The following A2ML1 variants were observed in gnomAD, a reference collection of about 807,000 sequenced individuals.
A2ML1 encodes the protein alpha-2-macroglobulin-like protein 1.
In A2ML1, 161 loss-of-function variants were observed where a neutral mutation model predicts 181.9. That is an observed-to-expected ratio of 0.89 (90% CI 0.78 to 1.01). The LOEUF is 1.01. A2ML1 is among the 50% of genes least tolerant of loss of function. A2ML1 has a pLI of 0.00. For synonymous variants in A2ML1, 663 were observed against 666.8 expected (o/e 0.99, Z 0.09); for missense variants, 1,670 against 1,768.1 (o/e 0.94, Z 1.00).
At chr12:8,885,956 T>C (rs892733199) in intron 7 of A2ML1, among the ~76,000 whole-genome samples, 1 of 151,906 alleles carries the variant, frequency 6.6e-6, no homozygotes, top group African/African-American at 2.4e-5. Flanking sequence ...GGAGAGTTTA[T>C]TCCTGGATTC....
At chr12:8,850,031 C>A in intron 17 of A2ML1, 129 bp from the exon 18 acceptor site, 1 of 765,450 alleles carries the variant, frequency 1.3e-6, no homozygotes, top group Non-Finnish European at 2.1e-6. Context: ...TTTGGTCCTT[C>A]CTCCTTGCCT....
chr12:8,841,775 C>T (rs1943488383), intron 11 of A2ML1, among the ~76,000 whole-genome samples: 1 of 152,148 alleles, frequency 6.6e-6, no homozygotes, highest in Admixed American at 6.5e-5. Context: ...TTTTAACTTA[C>T]CCCCATCTCT....
Position 8,848,891 on chromosome 12 carries a change from A to G in A2ML1, c.2005A>G (p.Thr669Ala). 1 of 1,612,968 alleles carries G rather than the reference A, an allele frequency of 6.2e-7. No individual in the cohort carries two copies. The highest frequency in any genetic ancestry group is 8.5e-7 in the Non-Finnish European group (1 of 1,179,732). ...CTGGAGGCCCTCGTTCTCTGAAGGC[A>G]CGGACCTTTTCAGCTTTTTCCGGGT... The part of the protein sequence containing the change: ...IIWRPSFSEG[T>A]DLFSFFRDVG... The change falls in exon 16 of 36, where the codon ACG (threonine) becomes GCG (alanine). Residue 669 changes from threonine (T) to alanine (A), a missense_variant. Thr to Ala is a moderately conservative substitution (Grantham distance 58). Coordinates refer to ENST00000299698, the MANE Select transcript of A2ML1 (RefSeq NM_144670.6).
chr12:8,850,089 C>A, intron 17 of A2ML1, 71 bp from the exon 18 acceptor site: 1 of 1,225,992 alleles, frequency 8.2e-7, no homozygotes, highest in Non-Finnish European at 1.2e-6. Context: ...CTAGTAATCC[C>A]TCCATCCCAA....
At chr12:8,864,083 G>T in intron 29 of A2ML1, 75 bp downstream of exon 29, 2 of 1,392,658 alleles carry the variant, frequency 1.4e-6, no homozygotes, top group Admixed American at 1.9e-5. Flanking sequence ...AAAACATATT[G>T]TCCTTGCCTT....
At chr12:8,874,177 G>A (rs942329844) in intron 33 of A2ML1, among the ~76,000 whole-genome samples, 5 of 151,802 alleles carry the variant, frequency 3.3e-5, no homozygotes, top group African/African-American at 7.3e-5. Context: ...CACCATGCCC[G>A]ACTAATTTTT....
chr12:8,867,384 A>G (rs1188685354), intron 29 of A2ML1, among the ~76,000 whole-genome samples: 2 of 152,210 alleles, frequency 1.3e-5, no homozygotes, highest in African/African-American at 2.4e-5. Flanking sequence ...ATGGTGGCTC[A>G]TGCCTGTCAT....
At chr12:8,836,478 G>A in intron 7 of A2ML1, 139 bp downstream of exon 7, 2 of 483,830 alleles carry the variant, frequency 4.1e-6, no homozygotes, top group South Asian at 2.4e-5. Flanking sequence ...GCTTATCCAA[G>A]ACCTTTTTTT....
At chr12:8,879,117 T>TG (rs921180934), downstream of A2ML1, among the ~76,000 whole-genome samples, 3 of 152,126 alleles carry the variant, frequency 2.0e-5, no homozygotes, top group African/African-American at 7.2e-5. Context: ...TGAGGGCAGA[T>TG]GGGGGAAGAT....
chr12:8,878,148 A>G (rs1944832679), downstream of A2ML1, among the ~76,000 whole-genome samples: 1 of 152,048 alleles, frequency 6.6e-6, no homozygotes, highest in South Asian at 2.1e-4. The surrounding 1 kb of genome is among the most constrained non-coding windows in gnomAD (Gnocchi z 4.4). Context: ...CTAAAAATAC[A>G]AAAACCTAGC....
intron 7 of A2ML1, among the ~76,000 whole-genome samples, chr12:8,883,473 TTCTC>T (rs962433758): frequency 3.9e-5 from 6 of 152,038 alleles, no homozygotes; most frequent in African/African-American, 4.8e-5. Flanking sequence ...CTTCTTCTTC[TTCTC>T]TCTCTCTCTT....
intron 20 of A2ML1, among the ~76,000 whole-genome samples, chr12:8,853,158 T>A (rs1299482102): frequency 6.6e-6 from 1 of 151,930 alleles, no homozygotes; most frequent in African/African-American, 2.4e-5. Flanking sequence ...CCACCATGCC[T>A]GGCTAATTCA....
At chr12:8,882,415 A>G (rs1944880559) in intron 7 of A2ML1, among the ~76,000 whole-genome samples, 1 of 152,020 alleles carries the variant, frequency 6.6e-6, no homozygotes, top group South Asian at 2.1e-4. Context: ...TTTTCTTTCT[A>G]AGAATCCTAC....
chr12:8,832,279 G>A (rs1943142800), intron 4 of A2ML1, among the ~76,000 whole-genome samples: 1 of 152,198 alleles, frequency 6.6e-6, no homozygotes, highest in Non-Finnish European at 1.5e-5. Flanking sequence ...CTGATCTTGG[G>A]TTTTACAACA....
intron 4 of A2ML1, among the ~76,000 whole-genome samples, chr12:8,832,538 TAC>T: frequency 6.6e-6 from 1 of 152,334 alleles, no homozygotes; most frequent in South Asian, 2.1e-4. Context: ...AAGGACAGCT[TAC>T]AAGTTAGAAG....
At chr12:8,841,246 TTC>T in intron 10 of A2ML1, 121 bp from the exon 11 acceptor site, 1 of 811,948 alleles carries the variant, frequency 1.2e-6, no homozygotes. Flanking sequence ...TTCTTAGAAA[TTC>T]TGTTATTACT....
At chr12:8,855,136 T>C (rs997829658) in intron 22 of A2ML1, among the ~76,000 whole-genome samples, 1 of 152,008 alleles carries the variant, frequency 6.6e-6, no homozygotes, top group Non-Finnish European at 1.5e-5. Flanking sequence ...CTTGTGATCC[T>C]CCTGCCTTGG....
chr12:8,837,808 A>C (rs1252280062), intron 8 of A2ML1, among the ~76,000 whole-genome samples: 1 of 147,708 alleles, frequency 6.8e-6, no homozygotes, highest in Non-Finnish European at 1.5e-5. Flanking sequence ...TGAACCCGGG[A>C]GGCGGAGGTT....
rs1943796150 is a variant in A2ML1, at chr12:8,848,924, C to T, written c.2028+10C>T. Reference sequence around the variant, plus strand: ...TTTCAGCTTTTTCCGGGTAGGTCTTCTTACCCATTTTGTTCTTATGGGAAA... The same window carrying T: ...TTTCAGCTTTTTCCGGGTAGGTCTTTTTACCCATTTTGTTCTTATGGGAAA... On this transcript the variant is annotated intron_variant, in intron 16 of 35. Coordinates refer to ENST00000299698, the MANE Select transcript of A2ML1 (RefSeq NM_144670.6). 6.2e-7 allele frequency: 1 copy of T among 1,607,414 alleles called. No homozygotes were observed. The highest frequency in any genetic ancestry group is 1.1e-5 in the South Asian group (1 of 89,808).
Sources: gnomAD v4.1 joint callset for allele counts (sites outside exome capture counted in the v4.1 genomes callset) on GRCh38, gnomAD v4.1.1 for gene constraint, Gnocchi (gnomAD v3.1) non-coding constraint, MANE v1.5 for transcripts, NCBI Gene and HGNC (gene_info 2026-07-23, HGNC 2026-07-21) for gene names.